The following MYO16 variants were observed in gnomAD, a reference collection of about 807,000 sequenced individuals.
MYO16 encodes the protein unconventional myosin-XVI.
MYO16 carries 94 observed loss-of-function variants against 205.3 expected under a neutral mutation model. The observed-to-expected ratio is 0.46, with a 90% CI of 0.39 to 0.54. The LOEUF is 0.54. Ranked by LOEUF, MYO16 falls within the 20% of genes least tolerant of loss-of-function variation. MYO16 has a pLI of 0.00. For missense variants in MYO16, 2,315 were observed against 2,387.5 expected (o/e 0.97, Z 0.63); for synonymous variants, 988 against 954.0 (o/e 1.04, Z -0.66).
At chr13:108,926,035 C>A (rs533410283) in intron 16 of MYO16, among the ~76,000 whole-genome samples, 1 of 152,222 alleles carries the variant, frequency 6.6e-6, no homozygotes, top group Non-Finnish European at 1.5e-5. Context: ...TTGTTCTGAC[C>A]GCACAAAGAC....
rs866103609 is a variant in MYO16 at position 109,022,663 on chromosome 13, A to G, written c.2796+2752A>G. 1.8e-5 allele frequency among the ~76,000 whole-genome samples: 2 copies of G among 111,478 alleles called. 1 individual carries two copies. Among genetic ancestry groups the G allele is most frequent in the African/African-American group, 6.5e-5 (2 of 30,692 alleles). 73.1% of individuals were successfully genotyped at this position (111,478 alleles called of 152,430 possible). A position where few individuals can be genotyped will look rare whatever the true frequency, so the allele number is the denominator to read the frequency against. On this transcript the variant is annotated intron_variant, in intron 23 of 34. Coordinates refer to ENST00000457511, the MANE Select transcript of MYO16 (RefSeq NM_001198950.3). ...TGCATATAAACATATGTATATATTT[A>G]TATATTATATATACACATATAAACA...
chr13:108,976,377 A>T lies in MYO16; in HGVS notation c.2369+11475A>T, dbSNP rs1303886641. ...AACAGGGACAAAAACTGGGAAAAAA[A>T]TTGAAACTTGCTTCTGAAGCAGGGA... is the stretch of plus-strand genomic sequence containing the variant. On this transcript the variant is annotated intron_variant, in intron 20 of 34. Coordinates refer to ENST00000457511, the MANE Select transcript of MYO16 (RefSeq NM_001198950.3). 7.2e-5 allele frequency among the ~76,000 whole-genome samples: 11 copies of T among 152,302 alleles called. No homozygotes were observed. In the East Asian group the frequency reaches 1.7e-3, roughly 24 times the overall value.
intron 2 of MYO16, among the ~76,000 whole-genome samples, chr13:108,704,193 A>C (rs557533953): frequency 6.6e-6 from 1 of 152,336 alleles, no homozygotes; most frequent in Non-Finnish European, 1.5e-5. Flanking sequence ...CTAGCAAACT[A>C]CTACATTAAC....
Position 109,125,447 on chromosome 13 carries a change from A to C in MYO16, c.3782+89A>C. 5 of 1,519,738 alleles carry C rather than the reference A, an allele frequency of 3.3e-6. No homozygotes were observed. The highest frequency in any genetic ancestry group is 4.5e-6 in the Non-Finnish European group (5 of 1,118,704). 94.1% of individuals were successfully genotyped at this position (1,519,738 alleles called of 1,614,324 possible). ...TCAAATAGCCCTTAATGCAGAGTTCAATCAAATATGACAGGAGTTGCAGGA... is the reference window on the plus strand; with the variant it reads ...TCAAATAGCCCTTAATGCAGAGTTCCATCAAATATGACAGGAGTTGCAGGA... On this transcript the variant is annotated intron_variant, in intron 30 of 34. Transcript: ENST00000457511. This position sits in a 1 kb window ranked among gnomAD's most constrained non-coding sequence, Gnocchi z 4.0.
intron 2 of MYO16, among the ~76,000 whole-genome samples, chr13:108,675,239 T>C (rs534033418): frequency 6.6e-6 from 1 of 152,334 alleles, no homozygotes; most frequent in Non-Finnish European, 1.5e-5. Context: ...CAGAGATTTG[T>C]ATGGTTAAAT....
intron 7 of MYO16, among the ~76,000 whole-genome samples, chr13:108,817,903 A>G (rs16973272): frequency 0.015 from 2,342 of 152,314 alleles, 96 homozygotes; most frequent in East Asian, 0.1. Context: ...CCATTTTAAA[A>G]TATCTGGAAC....
At position 109,141,581 on chromosome 13, in the gene MYO16, A is replaced by C. The variant is rs573860528; in HGVS notation, c.5164+205A>C. Among the ~76,000 whole-genome samples, 53 of 152,250 alleles carry C rather than the reference A, an allele frequency of 3.5e-4. No homozygotes were observed. Among genetic ancestry groups the C allele is most frequent in the Non-Finnish European group, 5.6e-4 (38 of 68,046 alleles). On this transcript the variant is annotated intron_variant, in intron 32 of 34. Coordinates refer to ENST00000457511, the MANE Select transcript of MYO16 (RefSeq NM_001198950.3). This position sits in a 1 kb window ranked among gnomAD's most constrained non-coding sequence, Gnocchi z 4.1. ...GGAATTAATATTTCCATATTGCAGAATATGATAGGAAAGGCTCGTGATATA... is the reference window on the plus strand; with the variant it reads ...GGAATTAATATTTCCATATTGCAGACTATGATAGGAAAGGCTCGTGATATA...
intron 20 of MYO16, among the ~76,000 whole-genome samples, chr13:108,968,838 C>T (rs373270742): frequency 1.3e-5 from 2 of 152,300 alleles, no homozygotes; most frequent in Admixed American, 6.5e-5. Flanking sequence ...GAGGCCATGA[C>T]GTGCTCCCCA....
intron 5 of MYO16, among the ~76,000 whole-genome samples, chr13:108,788,608 C>G (rs1886526553): frequency 6.6e-6 from 1 of 151,444 alleles, no homozygotes; most frequent in Non-Finnish European, 1.5e-5. Flanking sequence ...TTCTTTCAAA[C>G]CCATTCTTCT....
At chr13:108,617,969 C>T (rs142958215) in intron 1 of MYO16, among the ~76,000 whole-genome samples, 102 of 152,250 alleles carry the variant, frequency 6.7e-4, no homozygotes, top group African/African-American at 2.0e-3. Flanking sequence ...CACCCAAGCA[C>T]CTAGAAAGCT....
chr13:108,997,892 A>G (rs1218362123), intron 21 of MYO16, among the ~76,000 whole-genome samples: 1 of 152,190 alleles, frequency 6.6e-6, no homozygotes, highest in East Asian at 1.9e-4. Context: ...GCCAGGCTTT[A>G]TCTAAATTGA....
the MYO16 span, among the ~76,000 whole-genome samples, chr13:108,550,129 C>A: frequency 6.6e-6 from 1 of 152,350 alleles, no homozygotes; most frequent in Middle Eastern, 3.4e-3. Context: ...CTGAGCAATG[C>A]AGAGAGACAC....
intron 12 of MYO16, among the ~76,000 whole-genome samples, chr13:108,873,598 G>A (rs1323635498): frequency 2.6e-5 from 4 of 152,116 alleles, no homozygotes; most frequent in African/African-American, 9.7e-5. Context: ...ACCGGGACAG[G>A]GTCCATGCCA....
upstream of MYO16, among the ~76,000 whole-genome samples, chr13:108,625,508 G>C (rs1879700254): frequency 6.6e-6 from 1 of 152,180 alleles, no homozygotes. Context: ...TATTAGACCG[G>C]AGTTATGTTC....
At chr13:109,196,243 C>T (rs1269599240) in intron 34 of MYO16, among the ~76,000 whole-genome samples, 1 of 152,186 alleles carries the variant, frequency 6.6e-6, no homozygotes, top group East Asian at 1.9e-4. Context: ...AATTTCAAAT[C>T]ACCAAGGTTT....
intron 10 of MYO16, among the ~76,000 whole-genome samples, chr13:108,852,706 T>A (rs1877947900): frequency 6.6e-6 from 1 of 152,232 alleles, no homozygotes; most frequent in East Asian, 1.9e-4. Flanking sequence ...GGAAGTTACA[T>A]GGTCTCCGTG....
At chr13:109,117,652 A>G (rs1875790844) in intron 28 of MYO16, among the ~76,000 whole-genome samples, 2 of 152,056 alleles carry the variant, frequency 1.3e-5, no homozygotes, top group Middle Eastern at 6.8e-3. Flanking sequence ...GGAAAGGTGG[A>G]TATCAAAACT....
At chr13:108,862,375 T>A (rs1359711878) in intron 11 of MYO16, among the ~76,000 whole-genome samples, 3 of 152,152 alleles carry the variant, frequency 2.0e-5, no homozygotes, top group Non-Finnish European at 4.4e-5. Flanking sequence ...AGGATTATGT[T>A]GTTTAGGGTG....
At chr13:108,673,834 A>G (rs1380997000) in intron 2 of MYO16, among the ~76,000 whole-genome samples, 1 of 151,858 alleles carries the variant, frequency 6.6e-6, no homozygotes, top group Non-Finnish European at 1.5e-5. Context: ...GAATATAACC[A>G]CCCTCATCTT....
Sources: gnomAD v4.1 joint callset for allele counts (sites outside exome capture counted in the v4.1 genomes callset) on GRCh38, gnomAD v4.1.1 for gene constraint, Gnocchi (gnomAD v3.1) non-coding constraint, MANE v1.5 for transcripts, NCBI Gene and HGNC (gene_info 2026-07-23, HGNC 2026-07-21) for gene names.